The following ASIC2 variants were observed in gnomAD, a reference collection of about 807,000 sequenced individuals.
The protein encoded by ASIC2 is acid sensing ion channel subunit 2, also known as acid-sensing ion channel 2.
In ASIC2, 25 loss-of-function variants were observed where a neutral mutation model predicts 57.3. That is an observed-to-expected ratio of 0.44 (90% CI 0.32 to 0.61). The LOEUF (loss-of-function observed/expected upper bound fraction) is 0.61, where lower values mean the gene tolerates loss of function less well. Ranked by LOEUF, ASIC2 falls within the 20% of genes least tolerant of loss-of-function variation. ASIC2 has a pLI of 0.06. For missense variants in ASIC2, 641 were observed against 738.1 expected (o/e 0.87, Z 1.52); for synonymous variants, 319 against 307.5 (o/e 1.04, Z -0.39).
At chr17:34,088,198 G>C (rs577591730) in intron 1 of ASIC2, among the ~76,000 whole-genome samples, 10 of 152,230 alleles carry the variant, frequency 6.6e-5, no homozygotes, top group African/African-American at 2.4e-4. Flanking sequence ...TTTGATGATG[G>C]TGATGTACAG....
At chr17:33,981,345 C>A (rs1030572825) in intron 1 of ASIC2, among the ~76,000 whole-genome samples, 1 of 152,174 alleles carries the variant, frequency 6.6e-6, no homozygotes, top group Non-Finnish European at 1.5e-5. Context: ...GTGACACAGG[C>A]TTAAACTCTG....
chr17:33,613,331 G>A (rs578071542), intron 1 of ASIC2, among the ~76,000 whole-genome samples: 12 of 149,168 alleles, frequency 8.0e-5, no homozygotes, highest in African/African-American at 2.2e-4. Context: ...TGTGTGAACC[G>A]TTCCTTGCAT....
At chr17:33,418,711 G>A (rs1910943821) in intron 1 of ASIC2, among the ~76,000 whole-genome samples, 2 of 152,218 alleles carry the variant, frequency 1.3e-5, no homozygotes, top group South Asian at 4.2e-4. Flanking sequence ...CCTCTGTTCT[G>A]TTCCATTGGT....
chr17:33,513,685 C>T (rs1173072612), intron 1 of ASIC2, among the ~76,000 whole-genome samples: 4 of 152,230 alleles, frequency 2.6e-5, no homozygotes, highest in South Asian at 4.1e-4. Context: ...AACCCCATGA[C>T]GTCCTCAGTT....
chr17:33,778,303 C>T (rs931069686), intron 1 of ASIC2, among the ~76,000 whole-genome samples: 4 of 152,126 alleles, frequency 2.6e-5, no homozygotes, highest in African/African-American at 9.7e-5. Context: ...GGAACCAATA[C>T]ATCCAAAAGA....
At chr17:33,961,821 C>G (rs1011110306) in intron 1 of ASIC2, among the ~76,000 whole-genome samples, 17 of 152,136 alleles carry the variant, frequency 1.1e-4, no homozygotes, top group Non-Finnish European at 2.5e-4. Context: ...AGCTCAGAAC[C>G]CAACATTGCT....
intron 1 of ASIC2, among the ~76,000 whole-genome samples, chr17:33,213,039 T>G (rs959923225): frequency 1.3e-5 from 2 of 152,180 alleles, no homozygotes; most frequent in African/African-American, 4.8e-5. Context: ...TAAACACAGT[T>G]TGGGTAGAAT....
At chr17:33,458,071 G>A (rs1319609813) in intron 1 of ASIC2, among the ~76,000 whole-genome samples, 3 of 151,216 alleles carry the variant, frequency 2.0e-5, no homozygotes, top group Non-Finnish European at 4.4e-5. Flanking sequence ...CATAGCTGAG[G>A]CGTCTTTGGG....
chr17:33,448,961 A>G (rs1912143712), intron 1 of ASIC2, among the ~76,000 whole-genome samples: 1 of 152,220 alleles, frequency 6.6e-6, no homozygotes, highest in Non-Finnish European at 1.5e-5. Context: ...CCTCTTAGTT[A>G]TAGCATGGTC....
chr17:34,099,759 AAAG>A (rs1910776632), intron 1 of ASIC2, among the ~76,000 whole-genome samples: 2 of 19,432 alleles, frequency 1.0e-4, no homozygotes, highest in South Asian at 2.0e-3. Flanking sequence ...AGAAAGAAAG[AAAG>A]AAAGAAAGAA....
At chr17:33,702,594 G>A (rs1314310019) in intron 1 of ASIC2, among the ~76,000 whole-genome samples, 2 of 152,048 alleles carry the variant, frequency 1.3e-5, no homozygotes, top group African/African-American at 4.8e-5. Flanking sequence ...GAGGAATTAG[G>A]GAGATCCCTA....
intron 1 of ASIC2, among the ~76,000 whole-genome samples, chr17:33,721,009 A>G (rs1279291987): frequency 2.0e-5 from 3 of 152,212 alleles, no homozygotes; most frequent in Non-Finnish European, 4.4e-5. Flanking sequence ...TAAAACTCTA[A>G]GTGCATTGTC....
At chr17:33,187,421 G>A (rs540312361) in intron 1 of ASIC2, among the ~76,000 whole-genome samples, 4 of 152,206 alleles carry the variant, frequency 2.6e-5, no homozygotes, top group South Asian at 2.1e-4. Context: ...ATTAAATCCC[G>A]AAGCATGGAT....
chr17:33,965,974 C>T (rs1236808738), intron 1 of ASIC2, among the ~76,000 whole-genome samples: 1 of 152,252 alleles, frequency 6.6e-6, no homozygotes, highest in Non-Finnish European at 1.5e-5. Context: ...TCTCCTCCTC[C>T]TCTGCAATGC....
chr17:33,467,849 A>G (rs920365987), intron 1 of ASIC2, among the ~76,000 whole-genome samples: 1 of 152,232 alleles, frequency 6.6e-6, no homozygotes, highest in Non-Finnish European at 1.5e-5. Flanking sequence ...GTAAAAGACC[A>G]AGTTGCGGCC....
intron 1 of ASIC2, among the ~76,000 whole-genome samples, chr17:33,465,217 A>C (rs1368498456): frequency 6.6e-6 from 1 of 152,312 alleles, no homozygotes; most frequent in African/African-American, 2.4e-5. Context: ...ATAATACACC[A>C]GGCTGGTTTC....
intron 1 of ASIC2, among the ~76,000 whole-genome samples, chr17:33,822,253 G>T (rs1437059902): frequency 6.6e-6 from 1 of 152,166 alleles, no homozygotes; most frequent in Non-Finnish European, 1.5e-5. Context: ...TCTCATGTAG[G>T]TACAAACAGT....
At chr17:33,348,862 TGTGTCCC>T (rs1908053333) in intron 1 of ASIC2, among the ~76,000 whole-genome samples, 1 of 152,172 alleles carries the variant, frequency 6.6e-6, no homozygotes, top group South Asian at 2.1e-4. Flanking sequence ...AGGGATCTCA[TGTGTCCC>T]CAGCCCAGAC....
chr17:33,819,479 ATGCTCTGTAC>A (rs1729647588), intron 1 of ASIC2, among the ~76,000 whole-genome samples: 1 of 152,242 alleles, frequency 6.6e-6, no homozygotes, highest in Admixed American at 6.5e-5. Context: ...AATTGCATTA[ATGCTCTGTAC>A]TGAGGACTTC....
Sources: allele counts gnomAD v4.1 joint callset (sites outside exome capture counted in the v4.1 genomes callset), GRCh38; gene constraint gnomAD v4.1.1; transcripts MANE v1.5; gene names NCBI Gene and HGNC (gene_info 2026-07-23, HGNC 2026-07-21).